The following TBC1D5 variants were observed in gnomAD, a reference collection of about 807,000 sequenced individuals.
TBC1D5 encodes TBC1 domain family, member 5.
A neutral mutation model predicts 100.3 loss-of-function variants in TBC1D5; 75 were observed. The ratio of observed to expected loss-of-function variants is 0.75; its 90% confidence interval spans 0.62 to 0.91. TBC1D5 has a LOEUF of 0.91. TBC1D5 is among the 40% of genes least tolerant of loss of function. The probability of loss-of-function intolerance (pLI) is 0.00; values close to 1 mark genes in which losing one functional copy is unlikely to be tolerated. For missense variants in TBC1D5, 910 were observed against 942.4 expected (o/e 0.97, Z 0.45); for synonymous variants, 323 against 325.6 (o/e 0.99, Z 0.09).
At chr3:17,533,901 T>C (rs929177729) in intron 2 of TBC1D5, among the ~76,000 whole-genome samples, 11 of 152,176 alleles carry the variant, frequency 7.2e-5, no homozygotes, top group East Asian at 1.9e-4. Flanking sequence ...GATAGATAGA[T>C]AGATAGATAG....
At chr3:17,248,689 A>G (rs2076944044) in intron 16 of TBC1D5, among the ~76,000 whole-genome samples, 1 of 152,160 alleles carries the variant, frequency 6.6e-6, no homozygotes, top group South Asian at 2.1e-4. Context: ...GTATTTTGAA[A>G]GGAATATTTT....
intron 2 of TBC1D5, among the ~76,000 whole-genome samples, chr3:17,538,209 G>A (rs1249838645): frequency 6.6e-6 from 1 of 152,050 alleles, no homozygotes; most frequent in Non-Finnish European, 1.5e-5. Context: ...TTGTTAAACT[G>A]TCTCTCTAAA....
At chr3:17,597,875 T>C (rs1321777017) in intron 2 of TBC1D5, among the ~76,000 whole-genome samples, 1 of 152,202 alleles carries the variant, frequency 6.6e-6, no homozygotes, top group African/African-American at 2.4e-5. Context: ...ACATTGTATC[T>C]TCCCGTATTA....
At chr3:17,505,561 T>C (rs1420863790) in intron 3 of TBC1D5, among the ~76,000 whole-genome samples, 1 of 152,202 alleles carries the variant, frequency 6.6e-6, no homozygotes, top group Non-Finnish European at 1.5e-5. Context: ...TCATCACTGA[T>C]GACATTCCAA....
intron 2 of TBC1D5, among the ~76,000 whole-genome samples, chr3:17,578,645 A>C (rs1368746950): frequency 6.6e-6 from 1 of 151,998 alleles, no homozygotes; most frequent in Non-Finnish European, 1.5e-5. Flanking sequence ...TGAGCTGACA[A>C]TCTCCCCTAG....
intron 13 of TBC1D5, among the ~76,000 whole-genome samples, chr3:17,349,858 T>A (rs1213415992): frequency 6.6e-6 from 1 of 152,080 alleles, no homozygotes; most frequent in Non-Finnish European, 1.5e-5. Context: ...AGGAAAAAAA[T>A]GCATATCTCC....
intron 3 of TBC1D5, among the ~76,000 whole-genome samples, chr3:17,459,362 C>T (rs1331152448): frequency 6.6e-6 from 1 of 152,126 alleles, no homozygotes; most frequent in Non-Finnish European, 1.5e-5. Flanking sequence ...GCACAGGGTT[C>T]ATGGTCCTAT....
At chr3:17,245,022 C>CAAAAA (rs34531807) in intron 16 of TBC1D5, among the ~76,000 whole-genome samples, 14 of 35,240 alleles carry the variant, frequency 4.0e-4, no homozygotes, top group East Asian at 1.8e-3. Context: ...CCTGTCTCTA[C>CAAAAA]AAAAAAAAAA....
chr3:17,331,610 ACAGC>A (rs2086874588), intron 13 of TBC1D5, among the ~76,000 whole-genome samples: 1 of 152,212 alleles, frequency 6.6e-6, no homozygotes, highest in Non-Finnish European at 1.5e-5. Flanking sequence ...TGCTGGGGAC[ACAGC>A]AATGAACAAA....
intron 15 of TBC1D5, among the ~76,000 whole-genome samples, chr3:17,272,484 A>C (rs2079532244): frequency 6.6e-6 from 1 of 152,232 alleles, no homozygotes; most frequent in Non-Finnish European, 1.5e-5. Flanking sequence ...AGAAACATAT[A>C]ACATCAGTTA....
At chr3:17,424,274 T>C (rs1055621188) in intron 4 of TBC1D5, among the ~76,000 whole-genome samples, 1 of 152,194 alleles carries the variant, frequency 6.6e-6, no homozygotes, top group African/African-American at 2.4e-5. Flanking sequence ...TGTAATAGTC[T>C]GTAGTCATAT....
At chr3:17,475,643 C>G (rs1576230440) in intron 3 of TBC1D5, among the ~76,000 whole-genome samples, 1 of 152,120 alleles carries the variant, frequency 6.6e-6, no homozygotes, top group African/African-American at 2.4e-5. Context: ...TCTAACCCCA[C>G]TATCAACTCT....
chr3:17,588,894 C>T (rs568573350), intron 2 of TBC1D5, among the ~76,000 whole-genome samples: 2 of 152,268 alleles, frequency 1.3e-5, no homozygotes, highest in South Asian at 2.1e-4. Context: ...TTCTAACTTC[C>T]GTAAGAGCTA....
At chr3:17,241,635 G>T (rs2076310114) in intron 16 of TBC1D5, among the ~76,000 whole-genome samples, 1 of 152,148 alleles carries the variant, frequency 6.6e-6, no homozygotes, top group Non-Finnish European at 1.5e-5. Flanking sequence ...GAAGATCCAA[G>T]AATATCCTCA....
chr3:17,344,271 AACAG>A (rs1461578467), intron 13 of TBC1D5, among the ~76,000 whole-genome samples: 1 of 152,086 alleles, frequency 6.6e-6, no homozygotes, highest in Non-Finnish European at 1.5e-5. Context: ...ATACACCAAC[AACAG>A]ACAAACAGAG....
chr3:17,706,082 G>A, intron 1 of TBC1D5: 1 of 1,603,920 alleles, frequency 6.2e-7, no homozygotes, highest in South Asian at 1.1e-5. Context: ...CCCCAGACTG[G>A]GCGGCGGCCT....
chr3:17,468,634 T>C (rs1428714565), intron 3 of TBC1D5, among the ~76,000 whole-genome samples: 3 of 152,162 alleles, frequency 2.0e-5, no homozygotes, highest in Admixed American at 6.5e-5. Context: ...CCCAAGCACC[T>C]AGAACACAGC....
intron 1 of TBC1D5, among the ~76,000 whole-genome samples, chr3:17,633,483 A>G (rs1180095366): frequency 6.6e-6 from 1 of 152,148 alleles, no homozygotes; most frequent in Admixed American, 6.6e-5. Context: ...GTCAGAGAAT[A>G]TGTTTCCATA....
At chr3:17,485,434 T>C (rs756379917) in intron 3 of TBC1D5, among the ~76,000 whole-genome samples, 5 of 151,436 alleles carry the variant, frequency 3.3e-5, no homozygotes, top group Non-Finnish European at 7.4e-5. Flanking sequence ...GCTGCACCCA[T>C]TAACTCGTCA....
Sources: allele counts gnomAD v4.1 joint callset (sites outside exome capture counted in the v4.1 genomes callset), GRCh38; gene constraint gnomAD v4.1.1; transcripts MANE v1.5; gene names NCBI Gene and HGNC (gene_info 2026-07-23, HGNC 2026-07-21).